The following PLXNA4 variants were observed in gnomAD, a reference collection of about 807,000 sequenced individuals.
PLXNA4 encodes the protein plexin A4.
Under a neutral mutation model 191.8 loss-of-function variants are expected in PLXNA4, and 44 were observed. The observed-to-expected ratio is 0.23, with a 90% confidence interval of 0.18 to 0.29. The LOEUF (loss-of-function observed/expected upper bound fraction) is 0.29, where lower values mean the gene tolerates loss of function less well. Among genes scored for constraint, PLXNA4 ranks in the 10% least tolerant of loss-of-function variants. The probability of loss-of-function intolerance (pLI) is 1.00; values close to 1 mark genes in which losing one functional copy is unlikely to be tolerated. For missense variants in PLXNA4, 1,800 were observed against 2,488.8 expected, an observed-to-expected ratio of 0.72 and a Z score of 5.89; for synonymous variants, 1,082 against 1,009.5, an observed-to-expected ratio of 1.07 and a Z score of -1.36.
chr7:132,483,990 G>A (rs1314360560), intron 3 of PLXNA4, among the ~76,000 whole-genome samples: 8 of 152,206 alleles, frequency 5.3e-5, no homozygotes, highest in Admixed American at 4.6e-4. Context: ...GGATGTGCAG[G>A]GAAGGTGGGT....
At chr7:132,154,292 G>A (rs1182636414) in intron 25 of PLXNA4, among the ~76,000 whole-genome samples, 2 of 152,178 alleles carry the variant, frequency 1.3e-5, no homozygotes, top group African/African-American at 4.8e-5. Flanking sequence ...TGGCCACGCT[G>A]AAGTGCTGGG....
At position 132,130,464 on chromosome 7, in the gene PLXNA4, C is replaced by T; in HGVS notation, c.*15G>A. 8 of 1,614,100 alleles carry T rather than the reference C, an allele frequency of 5.0e-6. No individual in the cohort carries two copies. Among genetic ancestry groups the T allele is most frequent in the Non-Finnish European group, 5.9e-6 (7 of 1,179,976 alleles). ...TGGTGTGTCCCCCTCCAGGGCGGCC[C>T]TGGAAGGACGGTTCTCAGCTGTCTA... On this transcript the variant is annotated 3_prime_UTR_variant, in exon 32 of 32. Coordinates refer to ENST00000321063, the MANE Select transcript of PLXNA4 (RefSeq NM_020911.2).
chr7:132,459,894 T>C (rs1203348866), intron 3 of PLXNA4, among the ~76,000 whole-genome samples: 1 of 152,212 alleles, frequency 6.6e-6, no homozygotes, highest in Non-Finnish European at 1.5e-5. Context: ...ATCTGATTTT[T>C]TAAATTCATT....
chr7:132,527,586 C>T (rs184256085), intron 1 of PLXNA4, among the ~76,000 whole-genome samples: 2 of 150,408 alleles, frequency 1.3e-5, no homozygotes, highest in East Asian at 3.9e-4. Flanking sequence ...ATGAAGCAAC[C>T]TCTAGTGAAC....
intron 3 of PLXNA4, among the ~76,000 whole-genome samples, chr7:132,423,184 C>T (rs1794910545): frequency 6.6e-6 from 1 of 152,260 alleles, no homozygotes; most frequent in African/African-American, 2.4e-5. Context: ...TGCGGAGGCT[C>T]TGCATTCCCA....
chr7:132,350,228 G>T (rs1277521095), intron 3 of PLXNA4, among the ~76,000 whole-genome samples: 3 of 152,178 alleles, frequency 2.0e-5, no homozygotes, highest in African/African-American at 7.2e-5. Flanking sequence ...TCAGGGCCAG[G>T]TGCGGTGGCT....
chr7:132,610,434 C>T (rs914587437), intron 2 of PLXNA4, among the ~76,000 whole-genome samples: 9 of 152,210 alleles, frequency 5.9e-5, no homozygotes, highest in Non-Finnish European at 8.8e-5. Flanking sequence ...TTCTCATCCT[C>T]GTCCTCTGAA....
At chr7:132,647,355 ACT>A (rs1336081574) in intron 1 of PLXNA4, among the ~76,000 whole-genome samples, 1 of 152,082 alleles carries the variant, frequency 6.6e-6, no homozygotes, top group Non-Finnish European at 1.5e-5. Flanking sequence ...TCACACATAC[ACT>A]GACATACACA....
chr7:132,474,755 A>G (rs1359956236), intron 3 of PLXNA4, among the ~76,000 whole-genome samples: 1 of 152,100 alleles, frequency 6.6e-6, no homozygotes, highest in East Asian at 1.9e-4. Flanking sequence ...CCTCCTCTGC[A>G]TTTCTACCTT....
chr7:132,223,300 A>G (rs1798206013), intron 9 of PLXNA4, among the ~76,000 whole-genome samples: 1 of 152,202 alleles, frequency 6.6e-6, no homozygotes, highest in African/African-American at 2.4e-5. Flanking sequence ...GTGACCTGGA[A>G]TACACCTTTG....
At chr7:132,611,379 C>A (rs990070238) in intron 2 of PLXNA4, among the ~76,000 whole-genome samples, 1 of 152,224 alleles carries the variant, frequency 6.6e-6, no homozygotes, top group African/African-American at 2.4e-5. Flanking sequence ...AAAACTCCAG[C>A]CTTTGGCAAA....
chr7:132,169,932 T>C (rs568188556), intron 21 of PLXNA4, among the ~76,000 whole-genome samples: 58 of 152,158 alleles, frequency 3.8e-4, no homozygotes, highest in Non-Finnish European at 7.1e-4. Flanking sequence ...GTGTGTCTCC[T>C]GAAGTGGGGC....
intron 3 of PLXNA4, among the ~76,000 whole-genome samples, chr7:132,360,072 T>C (rs1376998731): frequency 6.6e-6 from 1 of 152,226 alleles, no homozygotes; most frequent in African/African-American, 2.4e-5. Flanking sequence ...GTTTAACAAA[T>C]ATATTCCCTT....
intron 4 of PLXNA4, among the ~76,000 whole-genome samples, chr7:132,251,845 G>A (rs1799263561): frequency 6.6e-6 from 1 of 152,216 alleles, no homozygotes. Context: ...GGCTGGGTAT[G>A]AGGCTTCTCT....
intron 25 of PLXNA4, among the ~76,000 whole-genome samples, chr7:132,149,524 C>T (rs1391426975): frequency 2.6e-5 from 4 of 152,188 alleles, no homozygotes; most frequent in Non-Finnish European, 4.4e-5. Context: ...GCAGCACACA[C>T]ATGTATGAGC....
chr7:132,645,737 A>G (rs1803853775), intron 2 of PLXNA4, among the ~76,000 whole-genome samples: 1 of 152,212 alleles, frequency 6.6e-6, no homozygotes, highest in South Asian at 2.1e-4. Flanking sequence ...ACAGTCTCAC[A>G]GACACAAGTT....
intron 3 of PLXNA4, among the ~76,000 whole-genome samples, chr7:132,475,357 C>T (rs1797082576): frequency 6.6e-6 from 1 of 152,180 alleles, no homozygotes; most frequent in Admixed American, 6.5e-5. Context: ...TGCCCATACT[C>T]ACATGTGTTC....
At chr7:132,452,783 G>T (rs1288660133) in intron 3 of PLXNA4, among the ~76,000 whole-genome samples, 3 of 152,188 alleles carry the variant, frequency 2.0e-5, no homozygotes, top group African/African-American at 4.8e-5. Flanking sequence ...TGTATCAGCT[G>T]CAAGACAGCT....
chr7:132,148,611 G>C lies in PLXNA4; in HGVS notation c.4696C>G (p.Gln1566Glu), dbSNP rs761137846. 2 of 1,614,104 alleles carry C rather than the reference G, an allele frequency of 1.2e-6. No homozygotes were observed. Among genetic ancestry groups the C allele is most frequent in the Non-Finnish European group, 1.7e-6 (2 of 1,180,010 alleles). Residue 1566 changes from glutamine to glutamate, a missense_variant, in exon 26 of 32, where the codon CAG becomes GAG. Physicochemically the swap from Gln to Glu is conservative, Grantham distance 29 (BLOSUM62 2). Transcript: ENST00000321063. ...RQGSGARMIL[Q>E]DEDITTKIEN... ...ATCTTGGTGGTGATGTCTTCATCCTGCAAGATCATCCTTGCCCCACTTCCT... is the reference window on the plus strand; with the variant it reads ...ATCTTGGTGGTGATGTCTTCATCCTCCAAGATCATCCTTGCCCCACTTCCT...
Sources: allele counts gnomAD v4.1 joint callset (sites outside exome capture counted in the v4.1 genomes callset), GRCh38; gene constraint gnomAD v4.1.1; transcripts MANE v1.5; gene names NCBI Gene and HGNC (gene_info 2026-07-23, HGNC 2026-07-21).